TBC1D9: variants seen among roughly 807,000 people sequenced by gnomAD.
TBC1D9 encodes TBC1 domain family member 9.
Under a neutral mutation model 132.0 loss-of-function variants are expected in TBC1D9, and 63 were observed. That is an observed-to-expected ratio of 0.48 (90% CI 0.39 to 0.59). TBC1D9 has a LOEUF of 0.59. Among genes scored for constraint, TBC1D9 ranks in the 20% least tolerant of loss-of-function variants. TBC1D9 has a pLI of 0.00. For missense variants in TBC1D9, 1,261 were observed against 1,592.7 expected (o/e 0.79, Z 3.54); for synonymous variants, 610 against 609.9 (o/e 1.00, Z 0.00).
At chr4:140,701,733 A>C (rs1238324242) in intron 1 of TBC1D9, 119 bp from the exon 2 acceptor site, 1 of 709,016 alleles carries the variant, frequency 1.4e-6, no homozygotes, top group Non-Finnish European at 2.4e-6. Context: ...CTCCCACTGA[A>C]CCACACCTTG....
intron 1 of TBC1D9, among the ~76,000 whole-genome samples, chr4:140,709,246 TCTCACACACACA>T (rs1313965973): frequency 4.9e-5 from 5 of 102,318 alleles, no homozygotes; most frequent in African/African-American, 1.4e-4. Context: ...TCTCTCTCTC[TCTCACACACACA>T]CACACACACA....
chr4:140,732,183 A>G (rs1438041168), intron 1 of TBC1D9, among the ~76,000 whole-genome samples: 1 of 152,214 alleles, frequency 6.6e-6, no homozygotes, highest in Non-Finnish European at 1.5e-5. Context: ...TGATAAACAT[A>G]CGAATAACAT....
At chr4:140,710,807 G>T (rs1449689423) in intron 1 of TBC1D9, among the ~76,000 whole-genome samples, 1 of 152,128 alleles carries the variant, frequency 6.6e-6, no homozygotes, top group Non-Finnish European at 1.5e-5. Flanking sequence ...CCCTAATCAG[G>T]ACCAACTACA....
intron 15 of TBC1D9, among the ~76,000 whole-genome samples, chr4:140,635,023 G>A (rs1287541664): frequency 6.6e-6 from 1 of 152,180 alleles, no homozygotes; most frequent in Non-Finnish European, 1.5e-5. Context: ...AGAAAGTTCT[G>A]AAAGAACACC....
chr4:140,642,530 C>G, intron 13 of TBC1D9: 1 of 1,164,858 alleles, frequency 8.6e-7, no homozygotes, highest in East Asian at 2.3e-5. Context: ...TTCAACTTGT[C>G]CTGCTTGGTG....
At chr4:140,643,141 G>T in intron 13 of TBC1D9, 2 of 1,434,118 alleles carry the variant, frequency 1.4e-6, no homozygotes. Flanking sequence ...GGCCCATCCA[G>T]CACCTCCCTC....
chr4:140,709,675 C>T (rs899687488), intron 1 of TBC1D9, among the ~76,000 whole-genome samples: 4 of 152,218 alleles, frequency 2.6e-5, no homozygotes, highest in South Asian at 4.2e-4. Flanking sequence ...CCTTTTGGCA[C>T]CAGGGACTGG....
chr4:140,674,690 T>A (rs980918759), intron 6 of TBC1D9, among the ~76,000 whole-genome samples: 4 of 143,126 alleles, frequency 2.8e-5, no homozygotes, highest in Non-Finnish European at 4.6e-5. Flanking sequence ...TATATATATA[T>A]ATTTTTTTTT....
At chr4:140,645,010 A>G in intron 13 of TBC1D9, 3 of 469,716 alleles carry the variant, frequency 6.4e-6, no homozygotes, top group South Asian at 4.9e-5. Context: ...GAGCGGGACA[A>G]CCAGGGGTGC....
chr4:140,701,186 A>G (rs1023600732), intron 2 of TBC1D9, among the ~76,000 whole-genome samples: 8 of 152,174 alleles, frequency 5.3e-5, no homozygotes, highest in African/African-American at 1.9e-4. Context: ...TTCTGGGCCA[A>G]GGAAGTTAAA....
chr4:140,633,857 T>C, intron 16 of TBC1D9, 91 bp downstream of exon 16: 1 of 1,495,520 alleles, frequency 6.7e-7, no homozygotes. Flanking sequence ...AACCTCCCCT[T>C]GTGCTTCTGT....
chr4:140,666,375 G>A (rs528653491), intron 9 of TBC1D9, among the ~76,000 whole-genome samples: 15 of 152,084 alleles, frequency 9.9e-5, no homozygotes, highest in Non-Finnish European at 1.5e-4. Context: ...TTGCTCTTTC[G>A]CCCAGGCCGG....
chr4:140,622,527 T>TGGTGTCGTCGTC lies in TBC1D9; in HGVS notation c.3457_3468dup (p.Asp1153_Thr1156dup). 6.2e-7 allele frequency: 1 copy of TGGTGTCGTCGTC among 1,614,024 alleles called. No individual in the cohort carries two copies. Among genetic ancestry groups the TGGTGTCGTCGTC allele is most frequent in the South Asian group, 1.1e-5 (1 of 91,088 alleles). ...TATGAGGACATGGAGCTGTCGTCCT[T>TGGTGTCGTCGTC]GGTGTCGTCGTCAGAGATCAGCATG... On this transcript the variant is annotated inframe_insertion, in exon 21 of 21. Transcript: ENST00000442267.
intron 13 of TBC1D9, among the ~76,000 whole-genome samples, chr4:140,652,896 A>G (rs1393190907): frequency 6.6e-6 from 1 of 152,220 alleles, no homozygotes; most frequent in Non-Finnish European, 1.5e-5. Context: ...TTTTCAGACT[A>G]AACACACTGG....
At chr4:140,653,378 C>A (rs141243515) in intron 13 of TBC1D9, among the ~76,000 whole-genome samples, 9 of 152,242 alleles carry the variant, frequency 5.9e-5, no homozygotes, top group Non-Finnish European at 1.3e-4. Flanking sequence ...GAGCCCAAAC[C>A]AGATTCTTAC....
At position 140,679,139 on chromosome 4, in the gene TBC1D9, A is replaced by G; in HGVS notation, c.654T>C (p.Pro218=). The G allele has an allele frequency of 6.2e-7, 1 of 1,613,926 alleles. No homozygotes were observed. Among genetic ancestry groups the G allele is most frequent in the Non-Finnish European group, 8.5e-7 (1 of 1,179,824 alleles). ...QLEKNATLLL[P]DVIKVSTRSS... is the part of the protein sequence containing the mutation. ...ACCGTGTGCTCACTTTGATCACATC[A>G]GGCAGAAGCAGGGTGGCATTCTTCT... Residue 218 remains proline, a synonymous_variant, in exon 5 of 21, where the codon CCT becomes CCC. Transcript: ENST00000442267.
At chr4:140,752,666 G>T (rs1738944238) in intron 1 of TBC1D9, among the ~76,000 whole-genome samples, 1 of 152,154 alleles carries the variant, frequency 6.6e-6, no homozygotes, top group East Asian at 1.9e-4. Flanking sequence ...CTCAGTCAAA[G>T]GGGGTTAAAT....
intron 13 of TBC1D9, chr4:140,645,513 C>A (rs778735982): frequency 5.5e-6 from 2 of 362,508 alleles, no homozygotes; most frequent in Non-Finnish European, 1.1e-5. Context: ...AGCCACTATC[C>A]TCTCTTGCGA....
intron 1 of TBC1D9, among the ~76,000 whole-genome samples, chr4:140,729,917 C>G (rs1235478160): frequency 6.6e-6 from 1 of 150,600 alleles, no homozygotes; most frequent in African/African-American, 2.4e-5. Flanking sequence ...CCAGGGGGTA[C>G]CCAGCACTGA....
Sources: allele counts gnomAD v4.1 joint callset (sites outside exome capture counted in the v4.1 genomes callset), GRCh38; gene constraint gnomAD v4.1.1; transcripts MANE v1.5; gene names NCBI Gene and HGNC (gene_info 2026-07-23, HGNC 2026-07-21).